The following COMMD10 variants were observed in gnomAD, a reference collection of about 807,000 sequenced individuals.
The protein encoded by COMMD10 is COMM domain-containing protein 10.
Under a neutral mutation model 28.9 loss-of-function variants are expected in COMMD10, and 33 were observed. The ratio of observed to expected loss-of-function variants is 1.14; its 90% CI spans 0.87 to 1.53. COMMD10 has a LOEUF of 1.53. Ranked by LOEUF, COMMD10 falls within the 40% of genes most tolerant of loss-of-function variation. The pLI is 0.00. For missense variants in COMMD10, 310 were observed against 233.4 expected (o/e 1.33, Z -2.14); for synonymous variants, 110 against 81.7 (o/e 1.35, Z -1.87).
Position 116,087,541 on chromosome 5 carries a change from G to T in COMMD10, c.86G>T (p.Arg29Ile). 1 of 1,613,062 alleles carries T rather than the reference G, an allele frequency of 6.2e-7. No individual in the cohort carries two copies. The highest frequency in any genetic ancestry group is 8.5e-7 in the Non-Finnish European group (1 of 1,179,000). ...CTGATAAATGCAATAGATACAGGAA[G>T]ATTTCCACGGTTGCTCACTCGGATT... ...VSLINAIDTG[R>I]FPRLLTRILQ... Residue 29 changes from arginine to isoleucine, a missense_variant, in exon 2 of 7, where the codon AGA becomes ATA. Physicochemically the swap from Arg to Ile is moderately conservative, Grantham distance 97. Coordinates refer to ENST00000274458, the MANE Select transcript of COMMD10 (RefSeq NM_016144.4).
chr5:116,222,646 A>C (rs747913607), intron 5 of COMMD10, among the ~76,000 whole-genome samples: 7 of 152,184 alleles, frequency 4.6e-5, no homozygotes, highest in Non-Finnish European at 1.0e-4. Flanking sequence ...TTTTGTTCAC[A>C]AAAGAGCTAG....
chr5:116,219,959 G>A (rs961164979), intron 5 of COMMD10, among the ~76,000 whole-genome samples: 5 of 151,906 alleles, frequency 3.3e-5, no homozygotes, highest in Non-Finnish European at 5.9e-5. Flanking sequence ...GAATTAAATA[G>A]TCTCTACTTT....
intron 5 of COMMD10, among the ~76,000 whole-genome samples, chr5:116,178,603 C>T (rs1747838105): frequency 6.6e-6 from 1 of 151,918 alleles, no homozygotes; most frequent in Non-Finnish European, 1.5e-5. Context: ...AGTTCCTGTC[C>T]CTAAAAACAT....
chr5:116,173,880 A>G lies in COMMD10; in HGVS notation c.510+39702A>G, dbSNP rs554993648. Among the ~76,000 whole-genome samples the G allele has an allele frequency of 2.7e-5, 4 of 150,024 alleles. No homozygotes were observed. In the South Asian group the frequency reaches 8.3e-4, roughly 31 times the overall value. The stretch of plus-strand genomic sequence containing the variant: ...TTTTTTTTGGAACAAGGACAGTCAT[A>G]ATATAGTAATATGAATTCATTCCTT... On this transcript the variant is annotated intron_variant, in intron 5 of 6. Transcript: ENST00000274458.
intron 5 of COMMD10, among the ~76,000 whole-genome samples, chr5:116,275,556 A>G (rs910708323): frequency 6.6e-6 from 1 of 151,738 alleles, no homozygotes; most frequent in African/African-American, 2.4e-5. Flanking sequence ...GATTGTACAC[A>G]TTGTCTTCAT....
chr5:116,181,421 T>C (rs1747953952), intron 5 of COMMD10, among the ~76,000 whole-genome samples: 2 of 150,554 alleles, frequency 1.3e-5, no homozygotes, highest in East Asian at 1.9e-4. Flanking sequence ...AAATTAAAGC[T>C]GAGCTGGTGT....
chr5:116,205,427 A>G (rs1748786465), intron 5 of COMMD10, among the ~76,000 whole-genome samples: 1 of 152,196 alleles, frequency 6.6e-6, no homozygotes, highest in Non-Finnish European at 1.5e-5. Context: ...AGCAGTAATC[A>G]TTCTTTACCT....
intron 5 of COMMD10, among the ~76,000 whole-genome samples, chr5:116,166,279 T>C (rs1454010115): frequency 6.6e-6 from 1 of 152,222 alleles, no homozygotes; most frequent in Non-Finnish European, 1.5e-5. Flanking sequence ...CTATTATTTG[T>C]AGAGCTTAAG....
intron 4 of COMMD10, among the ~76,000 whole-genome samples, chr5:116,132,155 G>A (rs989909387): frequency 6.6e-6 from 1 of 152,046 alleles, no homozygotes; most frequent in Non-Finnish European, 1.5e-5. Context: ...AATGAGTCAT[G>A]AATTTTGGAA....
Position 116,292,436 on chromosome 5 carries a change from TG to T in COMMD10, c.571-14del, listed in dbSNP as rs375420756. The T allele has an allele frequency of 0.085, 121,494 of 1,436,774 alleles. 2,386 individuals carry two copies. The highest frequency in any genetic ancestry group is 0.15 in the Admixed American group (6,525 of 43,222). 89.0% of individuals were successfully genotyped at this position (1,436,774 alleles called of 1,614,324 possible). On this transcript the variant is annotated splice_polypyrimidine_tract_variant and intron_variant, in intron 6 of 6. Transcript: ENST00000274458. ...CTTCACTAACGTCTTTTTTTTTTTT[TG>T]TCTTTGTAAATAGCTAGAGACTATA...
chr5:116,235,465 G>T (rs185332460), intron 5 of COMMD10, among the ~76,000 whole-genome samples: 1 of 152,196 alleles, frequency 6.6e-6, no homozygotes, highest in Admixed American at 6.5e-5. Flanking sequence ...CTGTTACTTA[G>T]CTCTCACCTC....
chr5:116,223,216 A>C (rs1749309441), intron 5 of COMMD10, among the ~76,000 whole-genome samples: 1 of 151,992 alleles, frequency 6.6e-6, no homozygotes, highest in African/African-American at 2.4e-5. Flanking sequence ...GAAAAAAAGG[A>C]GATAGGATAA....
chr5:116,289,227 C>G (rs535990067), intron 5 of COMMD10, among the ~76,000 whole-genome samples: 1 of 151,842 alleles, frequency 6.6e-6, no homozygotes, highest in South Asian at 2.1e-4. Flanking sequence ...TTTTAAATTC[C>G]CAGTCAGGTA....
intron 5 of COMMD10, among the ~76,000 whole-genome samples, chr5:116,158,543 C>A (rs1203045404): frequency 3.5e-5 from 5 of 144,280 alleles, no homozygotes. Flanking sequence ...ATGGCGTGAT[C>A]ATAGCTAACG....
chr5:116,172,520 TG>T (rs1753368856), intron 5 of COMMD10, among the ~76,000 whole-genome samples: 1 of 152,204 alleles, frequency 6.6e-6, no homozygotes, highest in African/African-American at 2.4e-5. Flanking sequence ...CTCAGACTAT[TG>T]CTTTCTGTTA....
intron 5 of COMMD10, among the ~76,000 whole-genome samples, chr5:116,262,178 T>A (rs914642777): frequency 6.6e-6 from 1 of 151,614 alleles, no homozygotes; most frequent in African/African-American, 2.4e-5. Context: ...GAGTGTCTCC[T>A]CTCATCTTTT....
At chr5:116,194,539 A>G (rs1186002946) in intron 5 of COMMD10, among the ~76,000 whole-genome samples, 1 of 152,166 alleles carries the variant, frequency 6.6e-6, no homozygotes, top group Non-Finnish European at 1.5e-5. Context: ...ACTGTGAACA[A>G]CTTTATGCAC....
At chr5:116,099,251 C>T (rs1750571096) in intron 4 of COMMD10, among the ~76,000 whole-genome samples, 2 of 152,168 alleles carry the variant, frequency 1.3e-5, no homozygotes, top group South Asian at 2.1e-4. Context: ...GCTTATTTCA[C>T]TTAGCATAAC....
At chr5:116,162,441 C>G (rs376371683) in intron 5 of COMMD10, among the ~76,000 whole-genome samples, 1 of 152,224 alleles carries the variant, frequency 6.6e-6, no homozygotes, top group African/African-American at 2.4e-5. Flanking sequence ...TATTTTGTTT[C>G]CAGTTACACA....
Sources: gnomAD v4.1 joint callset for allele counts (sites outside exome capture counted in the v4.1 genomes callset) on GRCh38, gnomAD v4.1.1 for gene constraint, MANE v1.5 for transcripts, NCBI Gene and HGNC (gene_info 2026-07-23, HGNC 2026-07-21) for gene names.